The following EDIL3 variants were observed in gnomAD, a reference collection of about 807,000 sequenced individuals.
EDIL3 encodes EGF-like repeat and discoidin I-like domain-containing protein 3.
A neutral mutation model predicts 67.4 loss-of-function variants in EDIL3; 37 were observed. The observed-to-expected ratio is 0.55, with a 90% CI of 0.42 to 0.72. The LOEUF is 0.72. Among genes scored for constraint, EDIL3 ranks in the 30% least tolerant of loss-of-function variants. EDIL3 has a pLI of 0.00. For synonymous variants in EDIL3, 195 were observed against 196.3 expected (o/e 0.99, Z 0.05); for missense variants, 527 against 586.3 (o/e 0.90, Z 1.04).
rs1229635833 is a variant in EDIL3 at position 84,180,265 on chromosome 5, A to G, written c.355+128T>C. 4 of 1,020,060 alleles carry G rather than the reference A, an allele frequency of 3.9e-6. No homozygotes were observed. The South Asian group carries it at 6.6e-5, about 17-fold the overall frequency. 63.2% of individuals were successfully genotyped at this position (1,020,060 alleles called of 1,614,324 possible). A position where few individuals can be genotyped will look rare whatever the true frequency, so the allele number is the denominator to read the frequency against. ...ATGGTGTATTCCATGGGAGAGAAGCAGCATTAGCCAAAGCCAGGGCTCTCT... is the reference window on the plus strand; with the variant it reads ...ATGGTGTATTCCATGGGAGAGAAGCGGCATTAGCCAAAGCCAGGGCTCTCT... On this transcript the variant is annotated intron_variant, in intron 4 of 10. Coordinates refer to ENST00000296591, the MANE Select transcript of EDIL3 (RefSeq NM_005711.5).
At chr5:84,008,835 C>T (rs1745470320) in intron 9 of EDIL3, among the ~76,000 whole-genome samples, 1 of 151,972 alleles carries the variant, frequency 6.6e-6, no homozygotes, top group Admixed American at 6.6e-5. Flanking sequence ...TGGGGGGAAA[C>T]AGGGTCTCGC....
chr5:84,233,802 A>C (rs1466509323), intron 2 of EDIL3, among the ~76,000 whole-genome samples: 1 of 152,176 alleles, frequency 6.6e-6, no homozygotes, highest in Non-Finnish European at 1.5e-5. Context: ...TCTCCTTTAG[A>C]TGTAGACACA....
chr5:84,074,193 T>C (rs1184185581), intron 6 of EDIL3, among the ~76,000 whole-genome samples: 2 of 147,806 alleles, frequency 1.4e-5, no homozygotes, highest in African/African-American at 2.6e-5. Context: ...ATACAAAAAT[T>C]AATTCAAGAC....
chr5:84,024,928 T>C (rs1745784792), intron 9 of EDIL3, among the ~76,000 whole-genome samples: 1 of 152,104 alleles, frequency 6.6e-6, no homozygotes, highest in Admixed American at 6.6e-5. Context: ...GCTCAACCTT[T>C]AGTATTCAAC....
rs1241568849 is a variant in EDIL3, at chr5:84,278,235, AC to A, written c.68-24024del. Among the ~76,000 whole-genome samples the A allele has an allele frequency of 2.0e-5, 3 of 152,194 alleles. No individual in the cohort carries two copies. In the East Asian group the frequency reaches 5.8e-4, roughly 29 times the overall value. Reference sequence around the variant, plus strand: ...ACATATGGAAAAGAATGAAAGCATAACATTACAGACTGTCTATTCCTCTCTT... The same window carrying A: ...ACATATGGAAAAGAATGAAAGCATAAATTACAGACTGTCTATTCCTCTCTT... On this transcript the variant is annotated intron_variant, in intron 1 of 10. Coordinates refer to ENST00000296591, the MANE Select transcript of EDIL3 (RefSeq NM_005711.5).
chr5:84,141,014 T>A (rs1332377574), intron 4 of EDIL3, among the ~76,000 whole-genome samples: 2 of 152,034 alleles, frequency 1.3e-5, no homozygotes, highest in Non-Finnish European at 2.9e-5. Context: ...GATAAAAACG[T>A]TCACAGAATA....
intron 6 of EDIL3, among the ~76,000 whole-genome samples, chr5:84,088,550 C>T (rs1006602972): frequency 6.6e-6 from 1 of 152,204 alleles, no homozygotes; most frequent in Admixed American, 6.5e-5. Flanking sequence ...CTTAACAACA[C>T]TAATGATAGT....
At chr5:83,952,273 G>T (rs746009290) in intron 10 of EDIL3, among the ~76,000 whole-genome samples, 4 of 151,754 alleles carry the variant, frequency 2.6e-5, no homozygotes, top group African/African-American at 9.7e-5. Context: ...GAGTCTAAAA[G>T]CCAGTAGGTA....
At chr5:84,005,005 C>T (rs771735286) in intron 9 of EDIL3, among the ~76,000 whole-genome samples, 6 of 151,902 alleles carry the variant, frequency 3.9e-5, no homozygotes, top group Non-Finnish European at 7.4e-5. Context: ...GACAACGATG[C>T]CATTACAATT....
chr5:84,067,851 T>C (rs965893030), intron 6 of EDIL3, among the ~76,000 whole-genome samples: 1 of 152,220 alleles, frequency 6.6e-6, no homozygotes, highest in Non-Finnish European at 1.5e-5. Context: ...TTTTGATGAG[T>C]ACAATTTTTT....
chr5:84,124,993 T>G (rs1747841460), intron 5 of EDIL3, among the ~76,000 whole-genome samples: 1 of 151,996 alleles, frequency 6.6e-6, no homozygotes, highest in African/African-American at 2.4e-5. Flanking sequence ...TATTAATTAA[T>G]ATGAGGAATA....
chr5:84,096,218 C>A (rs1474063587), intron 6 of EDIL3, among the ~76,000 whole-genome samples: 1 of 152,118 alleles, frequency 6.6e-6, no homozygotes, highest in Non-Finnish European at 1.5e-5. Flanking sequence ...AGAGGGCCAC[C>A]ATCCTAGAGA....
chr5:83,999,718 A>T (rs1265515716), intron 9 of EDIL3, among the ~76,000 whole-genome samples: 1 of 152,184 alleles, frequency 6.6e-6, no homozygotes, highest in East Asian at 1.9e-4. Context: ...ATAGGAGTAG[A>T]AAGTTTATTC....
At chr5:84,321,221 G>A (rs1746642008) in intron 1 of EDIL3, among the ~76,000 whole-genome samples, 1 of 151,960 alleles carries the variant, frequency 6.6e-6, no homozygotes, top group African/African-American at 2.4e-5. Flanking sequence ...ATATCTGTTG[G>A]TGTTGAATTA....
At chr5:83,997,908 C>G (rs1184399166) in intron 9 of EDIL3, among the ~76,000 whole-genome samples, 1 of 152,124 alleles carries the variant, frequency 6.6e-6, no homozygotes, top group Non-Finnish European at 1.5e-5. Context: ...CCAGGCAGAA[C>G]TCAGCCTGCG....
intron 6 of EDIL3, among the ~76,000 whole-genome samples, chr5:84,083,322 A>G (rs1747011233): frequency 6.6e-6 from 1 of 152,140 alleles, no homozygotes; most frequent in African/African-American, 2.4e-5. Flanking sequence ...GATGAGAAGC[A>G]AAAGCCTGGA....
intron 4 of EDIL3, among the ~76,000 whole-genome samples, chr5:84,168,357 T>C (rs1432896770): frequency 1.3e-5 from 2 of 152,130 alleles, no homozygotes; most frequent in African/African-American, 4.8e-5. Context: ...ATTTTATGGG[T>C]CTTTTAAAAA....
intron 10 of EDIL3, among the ~76,000 whole-genome samples, chr5:83,950,737 C>T (rs1744405087): frequency 6.6e-6 from 1 of 151,800 alleles, no homozygotes; most frequent in Admixed American, 6.6e-5. Flanking sequence ...GTTACTTGTC[C>T]TCTTGCATAT....
intron 3 of EDIL3, among the ~76,000 whole-genome samples, chr5:84,208,047 G>T (rs1282145123): frequency 6.6e-6 from 1 of 150,530 alleles, no homozygotes; most frequent in Non-Finnish European, 1.5e-5. Flanking sequence ...ATTGACAAAT[G>T]GGATCTAATT....
Sources: allele counts gnomAD v4.1 joint callset (sites outside exome capture counted in the v4.1 genomes callset), GRCh38; gene constraint gnomAD v4.1.1; transcripts MANE v1.5; gene names NCBI Gene and HGNC (gene_info 2026-07-23, HGNC 2026-07-21).